Variants in SUCO observed in about 807,000 individuals in gnomAD.
The protein encoded by SUCO is SUN domain containing ossification factor, also known as SUN domain-containing ossification factor.
In SUCO, 57 loss-of-function variants were observed where a neutral mutation model predicts 148.1. The ratio of observed to expected loss-of-function variants is 0.38; its 90% CI spans 0.31 to 0.48. SUCO has a LOEUF of 0.48. Among genes scored for constraint, SUCO ranks in the 20% least tolerant of loss-of-function variants. The pLI is 0.96. For missense variants in SUCO, 1,331 were observed against 1,468.2 expected (o/e 0.91, Z 1.53); for synonymous variants, 470 against 502.7 (o/e 0.93, Z 0.87).
At chr1:172,552,567 T>G in intron 2 of SUCO, 1 of 901,844 alleles carries the variant, frequency 1.1e-6, no homozygotes, top group Non-Finnish European at 1.3e-6. Context: ...TGGGCATATT[T>G]AGAGTGGATT....
At position 172,533,311 on chromosome 1, in the gene SUCO, C is replaced by G; in HGVS notation, c.-125C>G. On this transcript the variant is annotated 5_prime_UTR_variant, in exon 1 of 24. Coordinates refer to ENST00000263688, the MANE Select transcript of SUCO (RefSeq NM_014283.5). ...CCACTGAGGAGCCGCTCAGCCAGCG[C>G]CATAGCCCTTAGGACTATCGGTCAC... is the stretch of plus-strand genomic sequence containing the variant. 1 of 1,550,894 alleles carries G rather than the reference C, an allele frequency of 6.4e-7. No homozygotes were observed. Among genetic ancestry groups the G allele is most frequent in the Non-Finnish European group, 8.7e-7 (1 of 1,146,988 alleles).
At chr1:172,578,859 TG>T (rs1028550175) in intron 14 of SUCO, among the ~76,000 whole-genome samples, 2 of 152,060 alleles carry the variant, frequency 1.3e-5, no homozygotes, top group Non-Finnish European at 2.9e-5. Flanking sequence ...TATTTTAAGA[TG>T]TGTTAAACTA....
Position 172,600,134 on chromosome 1 carries a change from A to G in SUCO, c.2984A>G (p.Asn995Ser). 1 of 1,611,274 alleles carries G rather than the reference A, an allele frequency of 6.2e-7. No individual in the cohort carries two copies. The highest frequency in any genetic ancestry group is 8.5e-7 in the Non-Finnish European group (1 of 1,179,498). The change falls in exon 20 of 24, where the codon AAT becomes AGT. Residue 995 changes from asparagine to serine, a missense_variant. This residue lies in a region of SUCO where 334 missense variants were observed against 352.3 expected (regional missense o/e 0.95). Transcript: ENST00000263688. The stretch of plus-strand genomic sequence containing the variant: ...ACCAACATGACACAGCTTGTTTCAA[A>G]TTTATCAGCAACAGTAGCAGAATTG... ...QLTNMTQLVS[N>S]LSATVAELKR...
chr1:172,532,889 G>A (rs1651693257), upstream of SUCO: 5 of 1,469,876 alleles, frequency 3.4e-6, no homozygotes. Flanking sequence ...CCTGGGGCGG[G>A]CGGAGCGGCG....
chr1:172,600,136 T>G lies in SUCO; in HGVS notation c.2986T>G (p.Leu996Val), dbSNP rs1325701562. 2 of 1,611,406 alleles carry G rather than the reference T, an allele frequency of 1.2e-6. No individual in the cohort carries two copies. Among genetic ancestry groups the G allele is most frequent in the Non-Finnish European group, 1.7e-6 (2 of 1,179,550 alleles). The change falls in exon 20 of 24, where the codon TTA (leucine) becomes GTA (valine). Residue 996 changes from leucine (L) to valine (V), a missense_variant. This residue lies in a region of SUCO where 334 missense variants were observed against 352.3 expected (regional missense o/e 0.95). Transcript: ENST00000263688. The part of the protein sequence containing the change: ...LTNMTQLVSN[L>V]SATVAELKRE... Reference sequence around the variant, plus strand: ...CAACATGACACAGCTTGTTTCAAATTTATCAGCAACAGTAGCAGAATTGAA... The same window carrying G: ...CAACATGACACAGCTTGTTTCAAATGTATCAGCAACAGTAGCAGAATTGAA...
At chr1:172,580,427 C>G (rs1336029134) in intron 15 of SUCO, among the ~76,000 whole-genome samples, 1 of 152,132 alleles carries the variant, frequency 6.6e-6, no homozygotes, top group Non-Finnish European at 1.5e-5. Flanking sequence ...GGATTCCTAG[C>G]TATCTAGTTA....
intron 19 of SUCO, among the ~76,000 whole-genome samples, chr1:172,595,820 G>T (rs1489836057): frequency 1.3e-5 from 2 of 152,100 alleles, no homozygotes; most frequent in Non-Finnish European, 2.9e-5. Flanking sequence ...TTGAATGTTG[G>T]CCTGCCTTGC....
intron 20 of SUCO, 100 bp downstream of exon 20, chr1:172,600,268 A>G: frequency 2.4e-6 from 2 of 824,200 alleles, no homozygotes; most frequent in Non-Finnish European, 3.8e-6. Flanking sequence ...ACTTTGACCA[A>G]ACAAAATTGT....
intron 9 of SUCO, among the ~76,000 whole-genome samples, chr1:172,572,696 T>TA (rs61248782): frequency 0.022 from 1,102 of 49,600 alleles, 67 homozygotes; most frequent in East Asian, 0.056. Flanking sequence ...GAATGATCAA[T>TA]AAAAAAAAAA....
intron 6 of SUCO, among the ~76,000 whole-genome samples, chr1:172,559,392 A>G (rs1179274288): frequency 1.3e-5 from 2 of 152,056 alleles, no homozygotes; most frequent in Admixed American, 6.6e-5. Flanking sequence ...TTATAAGTGT[A>G]TGTTTCTTGT....
chr1:172,569,413 A>G (rs12752056), intron 7 of SUCO: 218,514 of 974,650 alleles, frequency 0.22, 25,670 homozygotes, highest in South Asian at 0.26. Context: ...AATACGAGGA[A>G]AATTGAGGCA....
chr1:172,537,715 A>C (rs1652127665), intron 1 of SUCO, among the ~76,000 whole-genome samples: 1 of 152,224 alleles, frequency 6.6e-6, no homozygotes, highest in Non-Finnish European at 1.5e-5. Context: ...CCAAAGGATC[A>C]TCTTGGAGAA....
At chr1:172,604,979 G>A (rs1657769478) in intron 22 of SUCO, among the ~76,000 whole-genome samples, 1 of 151,744 alleles carries the variant, frequency 6.6e-6, no homozygotes, top group Non-Finnish European at 1.5e-5. Context: ...GTGCTGTTCA[G>A]GGGTATACAG....
intron 1 of SUCO, chr1:172,550,950 C>A (rs1446489328): frequency 3.7e-6 from 3 of 821,372 alleles, no homozygotes; most frequent in Non-Finnish European, 4.4e-6. Flanking sequence ...TATATTTCTC[C>A]TTTGGTATGT....
chr1:172,578,256 G>A, intron 13 of SUCO, 42 bp from the exon 14 acceptor site: 2 of 1,371,862 alleles, frequency 1.5e-6, no homozygotes, highest in South Asian at 1.2e-5. Flanking sequence ...GTCTTAACGA[G>A]TGTTTTGTTT....
rs191182829 is a variant in SUCO, at chr1:172,550,175, A to G, written c.63-1337A>G. ...GTTTCATATAGATCTAGCCCCTCAT[A>G]TAAGAATATTCTTGACTATTTCTGG... On this transcript the variant is annotated intron_variant, in intron 1 of 23. Transcript: ENST00000263688. 2.6e-4 allele frequency among the ~76,000 whole-genome samples: 39 copies of G among 152,074 alleles called. No individual in the cohort carries two copies. In the East Asian group the frequency reaches 7.1e-3, roughly 28 times the overall value.
intron 18 of SUCO, 91 bp downstream of exon 18, chr1:172,590,017 TATCTC>T (rs1275870593): frequency 3.5e-5 from 38 of 1,084,558 alleles, no homozygotes; most frequent in Non-Finnish European, 2.5e-6. Flanking sequence ...AGGATTTAAT[TATCTC>T]ATGATATAAT....
chr1:172,573,170 A>G (rs1460797557), intron 9 of SUCO, among the ~76,000 whole-genome samples: 2 of 152,244 alleles, frequency 1.3e-5, no homozygotes, highest in East Asian at 3.9e-4. Flanking sequence ...TAACAAACAT[A>G]TCCATCATTC....
chr1:172,572,437 A>T (rs1655098978), intron 9 of SUCO, among the ~76,000 whole-genome samples: 1 of 151,902 alleles, frequency 6.6e-6, no homozygotes, highest in South Asian at 2.1e-4. Context: ...TGCTGTGTCC[A>T]CTCAGGGTTA....
Sources: allele counts gnomAD v4.1 joint callset (sites outside exome capture counted in the v4.1 genomes callset), GRCh38; gene constraint gnomAD v4.1.1; regional missense constraint gnomAD v4.1.1; transcripts MANE v1.5; gene names NCBI Gene and HGNC (gene_info 2026-07-23, HGNC 2026-07-21).